Variants in MAP4K4 observed in about 807,000 individuals in gnomAD.
The protein encoded by MAP4K4 is HPK/GCK-like kinase HGK.
In MAP4K4, 38 loss-of-function variants were observed where a neutral mutation model predicts 189.6. The ratio of observed to expected loss-of-function variants is 0.20; its 90% CI spans 0.15 to 0.26. The LOEUF (loss-of-function observed/expected upper bound fraction) is 0.26, where lower values mean the gene tolerates loss of function less well. Among genes scored for constraint, MAP4K4 ranks in the 10% least tolerant of loss-of-function variants. MAP4K4 has a pLI of 1.00. For synonymous variants in MAP4K4, 610 were observed against 624.3 expected, an observed-to-expected ratio of 0.98 and a Z score of 0.34; for missense variants, 1,054 against 1,726.9, an observed-to-expected ratio of 0.61 and a Z score of 6.91.
At chr2:101,833,058 G>A (rs1341248977) in intron 7 of MAP4K4, among the ~76,000 whole-genome samples, 2 of 152,124 alleles carry the variant, frequency 1.3e-5, no homozygotes, top group Admixed American at 1.3e-4. Context: ...TGCCAGGAGT[G>A]GCCACTGGGT....
intron 2 of MAP4K4, among the ~76,000 whole-genome samples, chr2:101,753,819 C>T (rs960825453): frequency 1.3e-5 from 2 of 152,024 alleles, no homozygotes; most frequent in African/African-American, 2.4e-5. Flanking sequence ...GAAAGTACCT[C>T]AGTCTTTGGT....
chr2:101,851,724 CTTTTTTTTTTTTTTTTTTTTT>C (rs36217584), intron 12 of MAP4K4, among the ~76,000 whole-genome samples: 15 of 67,892 alleles, frequency 2.2e-4, no homozygotes, highest in Non-Finnish European at 3.4e-4. Context: ...TAACTGTCCT[CTTTTTTTTTTTTTTTTTTTTT>C]TTTTTTTTTT....
intron 2 of MAP4K4, among the ~76,000 whole-genome samples, chr2:101,755,832 C>T (rs1234064270): frequency 6.6e-6 from 1 of 150,458 alleles, no homozygotes; most frequent in Non-Finnish European, 1.5e-5. Context: ...TCTTTTCTTT[C>T]ACTAGGTGAC....
At chr2:101,835,801 C>T (rs1231613850) in intron 8 of MAP4K4, 99 bp from the exon 9 acceptor site, 6 of 766,030 alleles carry the variant, frequency 7.8e-6, no homozygotes, top group South Asian at 4.7e-5. Flanking sequence ...GTCAGTCAGA[C>T]GATGGGCCAG....
intron 16 of MAP4K4, chr2:101,861,908 C>CTG (rs2097668472): frequency 6.8e-6 from 1 of 147,884 alleles, no homozygotes; most frequent in African/African-American, 2.5e-5. Context: ...TGGCAGGAAA[C>CTG]TGTGGGATCT....
intron 10 of MAP4K4, among the ~76,000 whole-genome samples, chr2:101,842,373 TGGC>T (rs2096946774): frequency 6.6e-6 from 1 of 152,210 alleles, no homozygotes; most frequent in Non-Finnish European, 1.5e-5. Context: ...CATACAAGGT[TGGC>T]TCGAATGCCG....
chr2:101,877,845 G>C (rs2098255506), intron 27 of MAP4K4, among the ~76,000 whole-genome samples: 1 of 151,930 alleles, frequency 6.6e-6, no homozygotes, highest in Admixed American at 6.6e-5. Context: ...CGTCTCCCAG[G>C]TTCACACCAT....
At chr2:101,824,287 G>A (rs544696613) in intron 4 of MAP4K4, among the ~76,000 whole-genome samples, 1 of 152,222 alleles carries the variant, frequency 6.6e-6, no homozygotes, top group African/African-American at 2.4e-5. Flanking sequence ...TTTGTGTTTC[G>A]GGAATAAAAT....
chr2:101,716,303 C>T (rs1164915936), intron 2 of MAP4K4, among the ~76,000 whole-genome samples: 13 of 152,070 alleles, frequency 8.5e-5, no homozygotes, highest in Admixed American at 1.3e-4. Flanking sequence ...ATTAGCCGGG[C>T]GTGGTGGCAG....
intron 12 of MAP4K4, among the ~76,000 whole-genome samples, chr2:101,854,721 AT>A (rs1220471904): frequency 6.6e-6 from 1 of 152,180 alleles, no homozygotes; most frequent in African/African-American, 2.4e-5. Flanking sequence ...CATTATAAAT[AT>A]GTCTAACATC....
intron 12 of MAP4K4, among the ~76,000 whole-genome samples, chr2:101,854,202 T>A (rs558199802): frequency 6.6e-6 from 1 of 152,298 alleles, no homozygotes; most frequent in South Asian, 2.1e-4. Flanking sequence ...AGGAGTGTTA[T>A]GGTAGTGCAA....
chr2:101,840,388 A>G (rs1005388494), intron 10 of MAP4K4, among the ~76,000 whole-genome samples: 1 of 152,176 alleles, frequency 6.6e-6, no homozygotes, highest in Admixed American at 6.5e-5. Context: ...ACCCCCGCTC[A>G]GGGGATTTTT....
intron 2 of MAP4K4, among the ~76,000 whole-genome samples, chr2:101,726,780 T>C (rs919826928): frequency 3.9e-5 from 6 of 152,218 alleles, no homozygotes; most frequent in Non-Finnish European, 8.8e-5. Flanking sequence ...GAGGAATTCA[T>C]TTTGACCCTC....
intron 2 of MAP4K4, among the ~76,000 whole-genome samples, chr2:101,737,545 C>T (rs902269541): frequency 3.8e-5 from 5 of 130,496 alleles, no homozygotes; most frequent in Admixed American, 3.6e-4. Flanking sequence ...GGAAATGTTA[C>T]GTATTAATAT....
intron 2 of MAP4K4, among the ~76,000 whole-genome samples, chr2:101,747,570 A>C (rs2149884038): frequency 6.6e-6 from 1 of 152,290 alleles, no homozygotes; most frequent in South Asian, 2.1e-4. Flanking sequence ...CCACCTTCTA[A>C]TTAGAGAAGA....
At chr2:101,834,789 G>T (rs1559124882) in intron 8 of MAP4K4, among the ~76,000 whole-genome samples, 2 of 152,216 alleles carry the variant, frequency 1.3e-5, no homozygotes, top group East Asian at 3.8e-4. Context: ...GTAATTCAGT[G>T]AAACTAGTCC....
At chr2:101,881,847 TGTTGTTGCTTG>T (rs141195733) in intron 27 of MAP4K4, among the ~76,000 whole-genome samples, 3,078 of 152,294 alleles carry the variant, frequency 0.02, 111 homozygotes, top group African/African-American at 0.069. Flanking sequence ...TCATTTTTGT[TGTTGTTGCTTG>T]TAGCTGTAGT....
At chr2:101,698,164 G>A (rs1175682439) in intron 1 of MAP4K4, 27 bp downstream of exon 1, 1 of 1,139,106 alleles carries the variant, frequency 8.8e-7, no homozygotes, top group African/African-American at 1.8e-5. Context: ...GCGGGCGCGC[G>A]GGGAGCGGGC....
At chr2:101,809,937 AC>A (rs2095306916) in intron 3 of MAP4K4, among the ~76,000 whole-genome samples, 2 of 152,246 alleles carry the variant, frequency 1.3e-5, no homozygotes, top group Non-Finnish European at 2.9e-5. Flanking sequence ...TGCCAAATAT[AC>A]TTACTTGACA....
Sources: gnomAD v4.1 joint callset for allele counts (sites outside exome capture counted in the v4.1 genomes callset) on GRCh38, gnomAD v4.1.1 for gene constraint, MANE v1.5 for transcripts, NCBI Gene and HGNC (gene_info 2026-07-23, HGNC 2026-07-21) for gene names.